Variants in PRKN observed in about 807,000 individuals in gnomAD.
PRKN encodes E3 ubiquitin-protein ligase parkin.
In PRKN, 56 loss-of-function variants were observed where a neutral mutation model predicts 59.5. That is an observed-to-expected ratio of 0.94 (90% CI 0.76 to 1.18). The LOEUF (loss-of-function observed/expected upper bound fraction) is 1.18. Among genes scored for constraint, PRKN ranks in the 50% most tolerant of loss-of-function variants. PRKN has a pLI of 0.00. For synonymous variants in PRKN, 250 were observed against 222.1 expected, an observed-to-expected ratio of 1.13 and a Z score of -1.12; for missense variants, 657 against 596.4, an observed-to-expected ratio of 1.10 and a Z score of -1.06.
chr6:161,635,768 C>T (rs1467883233), intron 7 of PRKN, among the ~76,000 whole-genome samples: 2 of 151,908 alleles, frequency 1.3e-5, no homozygotes, highest in Admixed American at 6.6e-5. Flanking sequence ...GCTTGGGGGC[C>T]GTTGAATTGG....
At chr6:162,566,459 G>C (rs1028661429) in intron 1 of PRKN, among the ~76,000 whole-genome samples, 4 of 152,066 alleles carry the variant, frequency 2.6e-5, no homozygotes, top group Non-Finnish European at 4.4e-5. Context: ...CATTGCAACT[G>C]ATACTGCAAA....
chr6:162,275,066 G>A lies in PRKN; in HGVS notation c.172-12301C>T, dbSNP rs905263509. On this transcript the variant is annotated intron_variant, in intron 2 of 11. Transcript: ENST00000366898. ...ACTGCACTCCAGTCTGGGCGACAGA[G>A]CAAGACTCTGTCTCAAAAAAAAAAA... 2.4e-5 allele frequency: 3 copies of A among 123,392 alleles called. No homozygotes were observed. The East Asian group carries it at 8.9e-4, about 36-fold the overall frequency. The allele number at this position is 123,392 out of a possible 1,614,324, so 7.6% of individuals were successfully genotyped here.
chr6:161,533,237 C>T lies in PRKN; in HGVS notation c.1083+15617G>A, dbSNP rs1779288585. On this transcript the variant is annotated intron_variant, in intron 9 of 11. Coordinates refer to ENST00000366898, the MANE Select transcript of PRKN (RefSeq NM_004562.3). The surrounding 1 kb of genome is among the most constrained non-coding windows in gnomAD (Gnocchi z 4.1). ...AAAACTAAAATTCTTAAAATAATTT[C>T]TGAAAAACTAGTGATACAGGAGTTG... 6.6e-6 allele frequency among the ~76,000 whole-genome samples: 1 copy of T among 152,088 alleles called. No individual in the cohort carries two copies. Among genetic ancestry groups the T allele is most frequent in the Non-Finnish European group, 1.5e-5 (1 of 67,996 alleles).
chr6:161,418,682 C>G (rs770130353), intron 9 of PRKN, among the ~76,000 whole-genome samples: 1 of 152,102 alleles, frequency 6.6e-6, no homozygotes, highest in African/African-American at 2.4e-5. Context: ...CCAGTAAGTA[C>G]TGGGAAAAAG....
At chr6:162,017,715 T>G (rs528337432) in intron 5 of PRKN, among the ~76,000 whole-genome samples, 57 of 152,300 alleles carry the variant, frequency 3.7e-4, no homozygotes, top group Non-Finnish European at 7.1e-4. Context: ...AAGATCCCCT[T>G]GGGAAAATCA....
intron 3 of PRKN, among the ~76,000 whole-genome samples, chr6:162,246,047 C>A (rs1219682136): frequency 2.0e-5 from 3 of 152,118 alleles, no homozygotes; most frequent in African/African-American, 7.2e-5. Context: ...GCTATAAATT[C>A]TCTACATGGC....
chr6:162,138,989 G>T (rs1781664203), intron 4 of PRKN, among the ~76,000 whole-genome samples: 1 of 152,164 alleles, frequency 6.6e-6, no homozygotes, highest in African/African-American at 2.4e-5. Flanking sequence ...TTAGAAGTTG[G>T]AAGGTAACTA....
In PRKN at chr6:161,483,174, CA is replaced by C. The variant is rs3032884; in HGVS notation, c.1083+65679del. Among the ~76,000 whole-genome samples, 2,989 of 128,214 alleles carry C rather than the reference CA, an allele frequency of 0.023. 36 individuals are homozygous for C. The highest frequency in any genetic ancestry group is 0.046 in the Middle Eastern group (11 of 238). The allele number at this position is 128,214 out of a possible 152,430, so 84.1% of individuals were successfully genotyped here. A position where few individuals can be genotyped will look rare whatever the true frequency, so the allele number is the denominator to read the frequency against. On this transcript the variant is annotated intron_variant, in intron 9 of 11. Coordinates refer to ENST00000366898, the MANE Select transcript of PRKN (RefSeq NM_004562.3). The surrounding 1 kb of genome is among the most constrained non-coding windows in gnomAD (Gnocchi z 5.0). ...CTCGTGACAACTAACAATTGTGTTT[CA>C]AAAAAAAAAAAAAAAACATGCATTG...
intron 8 of PRKN, among the ~76,000 whole-genome samples, chr6:161,556,177 T>G (rs930455735): frequency 2.6e-5 from 4 of 152,206 alleles, no homozygotes; most frequent in African/African-American, 9.6e-5. Context: ...AGCTAGGGAA[T>G]TTATTAAAAA....
chr6:161,807,322 CAA>C (rs1791375042), intron 6 of PRKN, among the ~76,000 whole-genome samples: 1 of 152,128 alleles, frequency 6.6e-6, no homozygotes, highest in Non-Finnish European at 1.5e-5. Flanking sequence ...TATATATACA[CAA>C]AGATACACGC....
intron 1 of PRKN, among the ~76,000 whole-genome samples, chr6:162,711,420 T>TAAAA (rs10655636): frequency 4.2e-5 from 6 of 144,300 alleles, no homozygotes; most frequent in Non-Finnish European, 6.0e-5. Context: ...AACTGCTATT[T>TAAAA]AAAAAAAAAA....
chr6:161,717,609 C>T (rs1053948950), intron 7 of PRKN, among the ~76,000 whole-genome samples: 3 of 152,106 alleles, frequency 2.0e-5, no homozygotes, highest in African/African-American at 7.2e-5. Context: ...GTTCCTAATT[C>T]GTGAATACTT....
At chr6:162,216,536 C>CAAAAAA (rs35025497) in intron 3 of PRKN, among the ~76,000 whole-genome samples, 47 of 34,946 alleles carry the variant, frequency 1.3e-3, no homozygotes, top group African/African-American at 1.8e-3. Flanking sequence ...GACTCCGTCT[C>CAAAAAA]AAAAAAAAAA....
chr6:161,734,600 T>C (rs2982905), intron 7 of PRKN, among the ~76,000 whole-genome samples: 3 of 152,030 alleles, frequency 2.0e-5, no homozygotes, highest in East Asian at 3.8e-4. Flanking sequence ...GCTGCGGCAA[T>C]AGAAAATGAA....
chr6:162,207,919 T>C (rs1395784959), intron 3 of PRKN, among the ~76,000 whole-genome samples: 3 of 152,272 alleles, frequency 2.0e-5, no homozygotes, highest in South Asian at 2.1e-4. Flanking sequence ...GGGCAACAAA[T>C]ATAAAATAGA....
Position 161,516,847 on chromosome 6 carries a change from A to AT in PRKN, c.1083+32006_1083+32007insA, listed in dbSNP as rs59392252. Reference sequence around the variant, plus strand: ...ATCTCAAAAAAAAAAAAAAAAAAAAAGAAAGAAAAAAGAAAAGTACAGGAA... The same window carrying AT: ...ATCTCAAAAAAAAAAAAAAAAAAAAATGAAAGAAAAAAGAAAAGTACAGGAA... On this transcript the variant is annotated intron_variant, in intron 9 of 11. Transcript: ENST00000366898. Among the ~76,000 whole-genome samples the AT allele has an allele frequency of 2.8e-5, 4 of 145,306 alleles. No individual in the cohort carries two copies. In the East Asian group the frequency reaches 8.0e-4, roughly 29 times the overall value.
intron 1 of PRKN, among the ~76,000 whole-genome samples, chr6:162,572,486 G>T (rs548068356): frequency 3.4e-4 from 52 of 152,276 alleles, no homozygotes; most frequent in African/African-American, 1.2e-3. Context: ...CAGTGAAGTT[G>T]TCACAGCATC....
intron 4 of PRKN, among the ~76,000 whole-genome samples, chr6:162,123,183 G>T (rs1049739540): frequency 6.6e-6 from 1 of 152,040 alleles, no homozygotes; most frequent in African/African-American, 2.4e-5. Flanking sequence ...TCATTTACAG[G>T]GGAATTCCTG....
At chr6:161,753,332 G>A (rs1260570456) in intron 7 of PRKN, among the ~76,000 whole-genome samples, 1 of 152,098 alleles carries the variant, frequency 6.6e-6, no homozygotes, top group Non-Finnish European at 1.5e-5. Flanking sequence ...CCCATAGTAA[G>A]CACGCAGTGA....
Sources: allele counts gnomAD v4.1 joint callset (sites outside exome capture counted in the v4.1 genomes callset), GRCh38; gene constraint gnomAD v4.1.1; non-coding constraint Gnocchi (gnomAD v3.1); transcripts MANE v1.5; gene names NCBI Gene and HGNC (gene_info 2026-07-23, HGNC 2026-07-21).